Variants in SEMA3A observed in about 807,000 individuals in gnomAD.
The protein encoded by SEMA3A is semaphorin-3A.
SEMA3A carries 29 observed loss-of-function variants against 97.9 expected under a neutral mutation model. The observed-to-expected ratio is 0.30, with a 90% CI of 0.22 to 0.40. The LOEUF is 0.40. Ranked by LOEUF, SEMA3A falls within the 10% of genes least tolerant of loss-of-function variation. The probability of loss-of-function intolerance (pLI) is 1.00; values close to 1 mark genes in which losing one functional copy is unlikely to be tolerated. For synonymous variants in SEMA3A, 321 were observed against 323.7 expected (o/e 0.99, Z 0.09); for missense variants, 763 against 951.3 (o/e 0.80, Z 2.60).
rs114186031 is a variant in SEMA3A, at chr7:84,148,374, G to A, written c.113-13423C>T. On this transcript the variant is annotated intron_variant, in intron 1 of 16. Transcript: ENST00000265362. The stretch of plus-strand genomic sequence containing the variant: ...AGGATTTTGTTTGAATCAGAGCTCC[G>A]TGCGGAAGGATGGAAGGAGATGGGA... Among the ~76,000 whole-genome samples, 502 of 152,078 alleles carry A rather than the reference G, an allele frequency of 3.3e-3. 1 individual carries two copies. The highest frequency in any genetic ancestry group is 0.011 in the African/African-American group (476 of 41,480).
chr7:84,087,965 C>G (rs6467982), intron 4 of SEMA3A, among the ~76,000 whole-genome samples: 62,702 of 151,952 alleles, frequency 0.41, 14,809 homozygotes, highest in Non-Finnish European at 0.52. Flanking sequence ...CTCAAATACT[C>G]TTAGGCATAA....
chr7:84,011,393 C>A, intron 7 of SEMA3A, 96 bp from the exon 8 acceptor site: 1 of 795,528 alleles, frequency 1.3e-6, no homozygotes, highest in South Asian at 1.6e-5. Context: ...ACATAAAATA[C>A]AGTTTCTCAT....
intron 1 of SEMA3A, among the ~76,000 whole-genome samples, chr7:84,420,179 C>T (rs1187092063): frequency 6.7e-6 from 1 of 148,968 alleles, no homozygotes; most frequent in Non-Finnish European, 1.5e-5. Context: ...AACTATGTCT[C>T]ATTCACAGGA....
At chr7:84,270,623 A>C (rs532035393) in intron 3 of SEMA3A, among the ~76,000 whole-genome samples, 17 of 147,796 alleles carry the variant, frequency 1.2e-4, no homozygotes, top group Admixed American at 4.1e-4. Flanking sequence ...ATATATGCAT[A>C]TATATTCTAT....
At chr7:84,125,080 C>T in intron 3 of SEMA3A, among the ~76,000 whole-genome samples, 1 of 152,104 alleles carries the variant, frequency 6.6e-6, no homozygotes, top group East Asian at 1.9e-4. Flanking sequence ...TTTCCTTTCA[C>T]TATATAAATC....
intron 3 of SEMA3A, among the ~76,000 whole-genome samples, chr7:84,200,655 T>C (rs1212366319): frequency 1.3e-5 from 2 of 152,090 alleles, no homozygotes; most frequent in African/African-American, 4.8e-5. Context: ...AAAGTGGCAT[T>C]TTCTCTTTGC....
chr7:83,974,694 C>T (rs1156991506), intron 15 of SEMA3A, among the ~76,000 whole-genome samples: 1 of 152,020 alleles, frequency 6.6e-6, no homozygotes, highest in African/African-American at 2.4e-5. Flanking sequence ...TTAGCATGGC[C>T]AAATGGGAAT....
rs538589077 is a variant in SEMA3A at position 84,423,989 on chromosome 7, A to C, written c.-245-52089T>G. ...AATGGCCATTATTAAAAAATCAAAA[A>C]CAATAGATGTTGGCATGAATGTGGT... is the stretch of plus-strand genomic sequence containing the variant. On this transcript the variant is annotated intron_variant, in intron 1 of 3. Coordinates refer to the SEMA3A transcript ENST00000424555. 1.2e-4 allele frequency among the ~76,000 whole-genome samples: 19 copies of C among 152,078 alleles called. No individual in the cohort carries two copies. The East Asian group carries it at 3.3e-3, about 26-fold the overall frequency.
intron 2 of SEMA3A, among the ~76,000 whole-genome samples, chr7:84,307,740 G>A (rs1801196445): frequency 6.6e-6 from 1 of 152,102 alleles, no homozygotes; most frequent in East Asian, 1.9e-4. Context: ...GTAAGTAACC[G>A]GATTTCACTT....
chr7:84,205,742 C>T (rs147768193), intron 3 of SEMA3A, among the ~76,000 whole-genome samples: 187 of 152,206 alleles, frequency 1.2e-3, no homozygotes, highest in African/African-American at 4.0e-3. Context: ...TTTAAAGAAT[C>T]ATGTTTTATA....
intron 3 of SEMA3A, among the ~76,000 whole-genome samples, chr7:84,114,554 G>C (rs751063989): frequency 4.6e-5 from 7 of 151,894 alleles, no homozygotes; most frequent in Non-Finnish European, 5.9e-5. Context: ...TTCCTATCAT[G>C]ATGGGTGGAT....
chr7:84,130,064 C>G (rs1795918328), intron 2 of SEMA3A, among the ~76,000 whole-genome samples: 1 of 151,924 alleles, frequency 6.6e-6, no homozygotes, highest in Non-Finnish European at 1.5e-5. Context: ...TCCAATGACT[C>G]CTATCTGTAT....
At chr7:84,320,763 A>G (rs528444887) in intron 2 of SEMA3A, among the ~76,000 whole-genome samples, 1 of 152,272 alleles carries the variant, frequency 6.6e-6, no homozygotes, top group African/African-American at 2.4e-5. Flanking sequence ...ATGTAGTGAG[A>G]GAGCAGGAGA....
intron 1 of SEMA3A, among the ~76,000 whole-genome samples, chr7:84,452,542 A>G (rs1200825774): frequency 1.3e-5 from 2 of 152,200 alleles, no homozygotes; most frequent in African/African-American, 4.8e-5. Context: ...CAAATATGGT[A>G]TGCTTCTTTT....
At chr7:84,343,961 T>C (rs550407113) in intron 2 of SEMA3A, among the ~76,000 whole-genome samples, 1 of 151,736 alleles carries the variant, frequency 6.6e-6, no homozygotes, top group African/African-American at 2.4e-5. Context: ...TGAGCTATTA[T>C]CACACCACTG....
chr7:84,034,539 A>C (rs533784530), intron 6 of SEMA3A, among the ~76,000 whole-genome samples: 28 of 152,308 alleles, frequency 1.8e-4, no homozygotes, highest in African/African-American at 5.1e-4. Context: ...GAAGATAATA[A>C]AATACAATAC....
intron 12 of SEMA3A, among the ~76,000 whole-genome samples, chr7:83,996,342 G>A (rs962870227): frequency 4.7e-5 from 6 of 128,338 alleles, no homozygotes; most frequent in Non-Finnish European, 6.2e-5. Flanking sequence ...TCCCTCTGTC[G>A]CTCAGGCTGG....
chr7:84,363,012 C>T (rs1802763217), intron 2 of SEMA3A, among the ~76,000 whole-genome samples: 2 of 151,854 alleles, frequency 1.3e-5, no homozygotes, highest in Admixed American at 1.3e-4. Context: ...GAGTATATTA[C>T]TGTACAACTA....
intron 3 of SEMA3A, among the ~76,000 whole-genome samples, chr7:84,210,514 A>G (rs1248930336): frequency 6.6e-6 from 1 of 152,152 alleles, no homozygotes; most frequent in East Asian, 1.9e-4. Context: ...ATAGGAGAGA[A>G]AAGAGAAATC....
Sources: allele counts gnomAD v4.1 joint callset (sites outside exome capture counted in the v4.1 genomes callset), GRCh38; gene constraint gnomAD v4.1.1; transcripts MANE v1.5; gene names NCBI Gene and HGNC (gene_info 2026-07-23, HGNC 2026-07-21).